Variants in ZNF804A observed in about 807,000 individuals in gnomAD.
ZNF804A encodes the protein zinc finger protein 804A.
ZNF804A carries 2 observed loss-of-function variants against 16.5 expected under a neutral mutation model. The ratio of observed to expected loss-of-function variants is 0.12; its 90% confidence interval spans 0.05 to 0.38. The LOEUF is 0.38. Ranked by LOEUF, ZNF804A falls within the 10% of genes least tolerant of loss-of-function variation. The pLI is 0.99. For missense variants in ZNF804A, 1,473 were observed against 1,390.7 expected, an observed-to-expected ratio of 1.06 and a Z score of -0.94; for synonymous variants, 534 against 489.6, an observed-to-expected ratio of 1.09 and a Z score of -1.20.
chr2:184,844,351 T>A (rs1300508232), intron 1 of ZNF804A, among the ~76,000 whole-genome samples: 3 of 152,136 alleles, frequency 2.0e-5, no homozygotes, highest in Non-Finnish European at 4.4e-5. Flanking sequence ...CAACACTTCT[T>A]ACATCATTTT....
chr2:184,708,268 T>A (rs1352520176), intron 1 of ZNF804A, among the ~76,000 whole-genome samples: 1 of 152,142 alleles, frequency 6.6e-6, no homozygotes, highest in African/African-American at 2.4e-5. Flanking sequence ...GCTCTTTAAT[T>A]AGGTCCCGCT....
intron 1 of ZNF804A, among the ~76,000 whole-genome samples, chr2:184,721,876 A>G (rs1379275446): frequency 6.6e-6 from 1 of 152,100 alleles, no homozygotes; most frequent in Non-Finnish European, 1.5e-5. Context: ...AGGAAATGTG[A>G]TATATATACA....
chr2:184,755,489 TA>T (rs2105760746), intron 1 of ZNF804A, among the ~76,000 whole-genome samples: 1 of 152,134 alleles, frequency 6.6e-6, no homozygotes, highest in Admixed American at 6.6e-5. Flanking sequence ...TTCACATATT[TA>T]TGAGGCTGTG....
intron 2 of ZNF804A, among the ~76,000 whole-genome samples, chr2:184,898,766 CTCT>C (rs771221731): frequency 4.3e-4 from 66 of 152,114 alleles, no homozygotes; most frequent in African/African-American, 1.5e-3. Context: ...CATCATCTAA[CTCT>C]TCTTATTTCT....
Position 184,926,396 on chromosome 2 carries a change from A to G in ZNF804A, c.256-7207A>G, listed in dbSNP as rs1685613521. Reference sequence around the variant, plus strand: ...ACATGTTGGACCTCCATATTATATTATTTGTTTCTTCTTTCTTGCTGCTTT... The same window carrying G: ...ACATGTTGGACCTCCATATTATATTGTTTGTTTCTTCTTTCTTGCTGCTTT... On this transcript the variant is annotated intron_variant, in intron 2 of 3. Transcript: ENST00000302277. Among the ~76,000 whole-genome samples the G allele has an allele frequency of 1.3e-5, 2 of 151,252 alleles. 1 individual carries two copies. The highest frequency in any genetic ancestry group is 4.2e-4 in the South Asian group (2 of 4,802).
chr2:184,646,187 A>G (rs907865895), intron 1 of ZNF804A, among the ~76,000 whole-genome samples: 2 of 152,198 alleles, frequency 1.3e-5, no homozygotes, highest in Non-Finnish European at 2.9e-5. Context: ...TTCGAGTGCC[A>G]TATCTGGAGT....
chr2:184,863,118 C>A (rs62200788), intron 1 of ZNF804A, among the ~76,000 whole-genome samples: 22,849 of 152,044 alleles, frequency 0.15, 2,221 homozygotes, highest in East Asian at 0.3. Flanking sequence ...GTTATTGAAG[C>A]TGAATAGTGG....
intron 1 of ZNF804A, among the ~76,000 whole-genome samples, chr2:184,741,558 C>A (rs184583045): frequency 2.0e-5 from 3 of 152,072 alleles, no homozygotes; most frequent in Admixed American, 2.0e-4. Context: ...TGACCCCTAG[C>A]TAAATAAAGA....
intron 1 of ZNF804A, among the ~76,000 whole-genome samples, chr2:184,612,453 G>T (rs191554906): frequency 0.021 from 3,217 of 150,208 alleles, 68 homozygotes; most frequent in Admixed American, 0.071. Flanking sequence ...TTTTTTTGGG[G>T]GGGGGACGGA....
At chr2:184,799,379 T>G (rs1694687933) in intron 1 of ZNF804A, among the ~76,000 whole-genome samples, 1 of 152,172 alleles carries the variant, frequency 6.6e-6, no homozygotes, top group Admixed American at 6.6e-5. Context: ...TATGTTATTT[T>G]ATATATTGTA....
At chr2:184,678,459 T>G (rs1692476726) in intron 1 of ZNF804A, among the ~76,000 whole-genome samples, 1 of 152,172 alleles carries the variant, frequency 6.6e-6, no homozygotes, top group Admixed American at 6.5e-5. Context: ...AAATGCTTTC[T>G]GCTGAAAAGT....
chr2:184,654,005 T>C (rs1406073274), intron 1 of ZNF804A, among the ~76,000 whole-genome samples: 2 of 152,202 alleles, frequency 1.3e-5, no homozygotes, highest in African/African-American at 4.8e-5. Flanking sequence ...TGACCAGTTA[T>C]CATTTTAGAG....
At chr2:184,874,542 C>T (rs1357839228) in intron 2 of ZNF804A, among the ~76,000 whole-genome samples, 1 of 152,100 alleles carries the variant, frequency 6.6e-6, no homozygotes, top group Non-Finnish European at 1.5e-5. Flanking sequence ...CTATTGTTAA[C>T]TCTTCCTTGT....
At chr2:184,845,604 A>G (rs920861025) in intron 1 of ZNF804A, among the ~76,000 whole-genome samples, 3 of 152,122 alleles carry the variant, frequency 2.0e-5, no homozygotes, top group Non-Finnish European at 4.4e-5. Context: ...GAATTGAGCT[A>G]TGGAAAACCT....
intron 1 of ZNF804A, among the ~76,000 whole-genome samples, chr2:184,655,012 A>T (rs1469537563): frequency 6.6e-6 from 1 of 152,228 alleles, no homozygotes; most frequent in Non-Finnish European, 1.5e-5. Flanking sequence ...CAATGAGATT[A>T]TACATCTCTA....
chr2:184,779,060 T>C (rs950377202), intron 1 of ZNF804A, among the ~76,000 whole-genome samples: 33 of 151,848 alleles, frequency 2.2e-4, no homozygotes, highest in Non-Finnish European at 3.1e-4. Context: ...AATTTCACCA[T>C]TGTTTATCAT....
intron 1 of ZNF804A, among the ~76,000 whole-genome samples, chr2:184,653,031 G>A (rs1180281056): frequency 1.3e-5 from 2 of 151,964 alleles, no homozygotes; most frequent in African/African-American, 4.8e-5. Flanking sequence ...TCGGAACTGT[G>A]AGTCAATTAA....
chr2:184,800,784 C>T (rs1033570384), intron 1 of ZNF804A, among the ~76,000 whole-genome samples: 1 of 151,952 alleles, frequency 6.6e-6, no homozygotes, highest in African/African-American at 2.4e-5. Flanking sequence ...TATGATATTT[C>T]TAGAGTTCAT....
intron 1 of ZNF804A, among the ~76,000 whole-genome samples, chr2:184,825,237 CTAAT>C (rs1304151910): frequency 6.6e-6 from 1 of 151,950 alleles, no homozygotes; most frequent in Non-Finnish European, 1.5e-5. Context: ...AATAAATTAA[CTAAT>C]TAGAATGAAT....
Sources: gnomAD v4.1 joint callset for allele counts (sites outside exome capture counted in the v4.1 genomes callset) on GRCh38, gnomAD v4.1.1 for gene constraint, MANE v1.5 for transcripts, NCBI Gene and HGNC (gene_info 2026-07-23, HGNC 2026-07-21) for gene names.